The following GOLPH3 variants were observed in gnomAD, a reference collection of about 807,000 sequenced individuals.
GOLPH3 encodes the protein golgi phosphoprotein 3, also known as coat protein GPP34.
Under a neutral mutation model 28.5 loss-of-function variants are expected in GOLPH3, and 14 were observed. The ratio of observed to expected loss-of-function variants is 0.49; its 90% CI spans 0.32 to 0.77. The LOEUF (loss-of-function observed/expected upper bound fraction) is 0.77, where lower values mean the gene tolerates loss of function less well. Ranked by LOEUF, GOLPH3 falls within the 30% of genes least tolerant of loss-of-function variation. The pLI, the probability that GOLPH3 is intolerant of heterozygous loss-of-function variation, is 0.03. For missense variants in GOLPH3, 350 were observed against 393.7 expected, an observed-to-expected ratio of 0.89 and a Z score of 0.94; for synonymous variants, 158 against 159.2, an observed-to-expected ratio of 0.99 and a Z score of 0.06.
chr5:32,139,910 T>C (rs1243417471), intron 2 of GOLPH3, among the ~76,000 whole-genome samples: 1 of 152,004 alleles, frequency 6.6e-6, no homozygotes, highest in Non-Finnish European at 1.5e-5. Context: ...AAAAGGAAGC[T>C]CATGGAAATC....
In GOLPH3 at chr5:32,158,123, TAAATAAAATACAC is replaced by T. The variant is rs1746487873; in HGVS notation, c.226-14256_226-14244del. ...ATAAATAAATAAATAAATAAATAAA[TAAATAAAATACAC>T]ACACACACACACACACACACACACA... is the stretch of plus-strand genomic sequence containing the variant. On this transcript the variant is annotated intron_variant, in intron 1 of 3. Transcript: ENST00000265070. Among the ~76,000 whole-genome samples, 20 of 86,670 alleles carry T rather than the reference TAAATAAAATACAC, an allele frequency of 2.3e-4. 2 individuals are homozygous for T. Among genetic ancestry groups the T allele is most frequent in the African/African-American group, 9.1e-4 (18 of 19,724 alleles). The allele number at this position is 86,670 out of a possible 152,430, so 56.9% of individuals were successfully genotyped here.
intron 1 of GOLPH3, among the ~76,000 whole-genome samples, chr5:32,162,972 GGAGGCT>G (rs1435166527): frequency 6.6e-6 from 1 of 152,142 alleles, no homozygotes; most frequent in Admixed American, 6.5e-5. Context: ...CAGCTACTCG[GGAGGCT>G]GAGGCAGGAG....
intron 2 of GOLPH3, among the ~76,000 whole-genome samples, chr5:32,136,955 G>C (rs1313064262): frequency 6.6e-6 from 1 of 151,858 alleles, no homozygotes; most frequent in Non-Finnish European, 1.5e-5. Context: ...AAGGTTTCTT[G>C]GTTTCTTTTT....
chr5:32,173,228 CAGG>C (rs1160733084), intron 1 of GOLPH3, among the ~76,000 whole-genome samples: 1 of 145,112 alleles, frequency 6.9e-6, no homozygotes, highest in Non-Finnish European at 1.5e-5. Flanking sequence ...AGTCATTTAC[CAGG>C]AGGTTTCATG....
chr5:32,131,661 T>C (rs1745827385), intron 3 of GOLPH3, among the ~76,000 whole-genome samples: 1 of 152,236 alleles, frequency 6.6e-6, no homozygotes, highest in Non-Finnish European at 1.5e-5. Flanking sequence ...ATGTAATGAA[T>C]CTATTCATAG....
intron 1 of GOLPH3, among the ~76,000 whole-genome samples, chr5:32,155,293 T>A (rs1049586858): frequency 1.3e-5 from 2 of 152,210 alleles, no homozygotes; most frequent in South Asian, 4.2e-4. Context: ...TGAAATGATC[T>A]GCCCACCTCA....
At chr5:32,173,679 A>C (rs1235571154) in intron 1 of GOLPH3, 131 bp downstream of exon 1, 1 of 552,210 alleles carries the variant, frequency 1.8e-6, no homozygotes, top group Non-Finnish European at 2.7e-6. Context: ...GGGCGCCACC[A>C]GGCGCGGACT....
intron 2 of GOLPH3, among the ~76,000 whole-genome samples, chr5:32,142,915 C>A (rs539049394): frequency 6.6e-6 from 1 of 151,510 alleles, no homozygotes; most frequent in East Asian, 1.9e-4. Flanking sequence ...AAGTGAGGAG[C>A]CCCTCTGCCC....
At chr5:32,154,758 T>C (rs1469668739) in intron 1 of GOLPH3, among the ~76,000 whole-genome samples, 1 of 152,154 alleles carries the variant, frequency 6.6e-6, no homozygotes, top group African/African-American at 2.4e-5. Flanking sequence ...TGACTCCTGA[T>C]GCAATGAACA....
chr5:32,135,146 C>G (rs1745906518), intron 3 of GOLPH3, among the ~76,000 whole-genome samples: 1 of 152,184 alleles, frequency 6.6e-6, no homozygotes, highest in African/African-American at 2.4e-5. Context: ...ATTATAGTGA[C>G]TGATACTGCT....
intron 1 of GOLPH3, among the ~76,000 whole-genome samples, chr5:32,165,607 G>C (rs568825080): frequency 2.0e-5 from 3 of 152,154 alleles, no homozygotes; most frequent in East Asian, 3.9e-4. Context: ...AAAAATTCTA[G>C]AACAGCAACA....
At chr5:32,151,252 C>G (rs986413007) in intron 1 of GOLPH3, among the ~76,000 whole-genome samples, 3 of 149,044 alleles carry the variant, frequency 2.0e-5, no homozygotes, top group Non-Finnish European at 4.4e-5. Flanking sequence ...TGAGGCCAGG[C>G]ACAGTGGCTT....
chr5:32,163,378 A>C (rs547016901), intron 1 of GOLPH3, among the ~76,000 whole-genome samples: 13 of 152,310 alleles, frequency 8.5e-5, no homozygotes, highest in African/African-American at 2.9e-4. Flanking sequence ...CTTAAAAGCA[A>C]AAAATTTTTC....
chr5:32,158,108 AAATAAATAAATAAAT>A (rs1489519474), intron 1 of GOLPH3, among the ~76,000 whole-genome samples: 2 of 116,132 alleles, frequency 1.7e-5, no homozygotes, highest in African/African-American at 7.5e-5. Context: ...ATAAATAAAT[AAATAAATAAATAAAT>A]AAATAAAATA....
intron 1 of GOLPH3, among the ~76,000 whole-genome samples, chr5:32,160,340 A>G (rs112625390): frequency 0.023 from 3,547 of 152,304 alleles, 54 homozygotes; most frequent in Non-Finnish European, 0.036. Context: ...GGTCTCCCAA[A>G]GTGCTGGGAT....
At chr5:32,144,974 T>C (rs1477014420) in intron 1 of GOLPH3, among the ~76,000 whole-genome samples, 1 of 152,090 alleles carries the variant, frequency 6.6e-6, no homozygotes, top group African/African-American at 2.4e-5. Context: ...CAGAACAGGG[T>C]AACACAATTT....
At chr5:32,144,160 T>G (rs906878049) in intron 1 of GOLPH3, among the ~76,000 whole-genome samples, 13 of 152,228 alleles carry the variant, frequency 8.5e-5, no homozygotes, top group African/African-American at 2.9e-4. Flanking sequence ...GTGTGTTTAT[T>G]AGGTTCTTTC....
At chr5:32,138,873 G>A (rs1340077443) in intron 2 of GOLPH3, among the ~76,000 whole-genome samples, 1 of 152,202 alleles carries the variant, frequency 6.6e-6, no homozygotes, top group African/African-American at 2.4e-5. Flanking sequence ...TTTCAGTGAA[G>A]GGTGAGAGAG....
intron 1 of GOLPH3, among the ~76,000 whole-genome samples, chr5:32,163,738 A>G (rs1466893909): frequency 2.0e-5 from 3 of 152,242 alleles, no homozygotes; most frequent in South Asian, 2.1e-4. Flanking sequence ...GAAGCTGTTC[A>G]ATACTTGGAT....
Sources: gnomAD v4.1 joint callset for allele counts (sites outside exome capture counted in the v4.1 genomes callset) on GRCh38, gnomAD v4.1.1 for gene constraint, MANE v1.5 for transcripts, NCBI Gene and HGNC (gene_info 2026-07-23, HGNC 2026-07-21) for gene names.